The following LNPEP variants were observed in gnomAD, a reference collection of about 807,000 sequenced individuals.
LNPEP encodes leucyl and cystinyl aminopeptidase, also known as leucyl-cystinyl aminopeptidase.
Under a neutral mutation model 120.6 loss-of-function variants are expected in LNPEP, and 64 were observed. The ratio of observed to expected loss-of-function variants is 0.53; its 90% CI spans 0.43 to 0.65. LNPEP has a LOEUF of 0.65. Among genes scored for constraint, LNPEP ranks in the 30% least tolerant of loss-of-function variants. LNPEP has a pLI of 0.00. For synonymous variants in LNPEP, 435 were observed against 425.4 expected (o/e 1.02, Z -0.28); for missense variants, 1,057 against 1,200.0 (o/e 0.88, Z 1.76).
chr5:97,024,758 T>C, intron 15 of LNPEP, 76 bp downstream of exon 15: 5 of 1,343,850 alleles, frequency 3.7e-6, no homozygotes, highest in Non-Finnish European at 5.1e-6. Context: ...AGGAGCTCAT[T>C]TTTGAGGGGA....
chr5:96,955,434 G>A lies in LNPEP; in HGVS notation c.19+19260G>A, dbSNP rs559248028. 3.9e-5 allele frequency among the ~76,000 whole-genome samples: 6 copies of A among 152,226 alleles called. No individual in the cohort carries two copies. The East Asian group carries it at 1.2e-3, about 30-fold the overall frequency. On this transcript the variant is annotated intron_variant, in intron 1 of 17. Coordinates refer to ENST00000231368, the MANE Select transcript of LNPEP (RefSeq NM_005575.3). ...GTTCGAGACCAGCCTGGCCAACAAG[G>A]CGATAGCCCATCTCTACTAAAAATA... is the stretch of plus-strand genomic sequence containing the variant.
At chr5:97,020,173 C>T (rs962685540) in intron 13 of LNPEP, among the ~76,000 whole-genome samples, 1 of 152,106 alleles carries the variant, frequency 6.6e-6, no homozygotes, top group Non-Finnish European at 1.5e-5. Context: ...CACAGTAAGT[C>T]ATTGCTAGGA....
At chr5:97,002,664 G>T (rs747199115) in intron 8 of LNPEP, among the ~76,000 whole-genome samples, 25 of 152,158 alleles carry the variant, frequency 1.6e-4, no homozygotes, top group Non-Finnish European at 3.1e-4. Flanking sequence ...TTTCCTCTCA[G>T]CTTACTGCAT....
At chr5:96,994,601 C>T (rs536263554) in intron 6 of LNPEP, among the ~76,000 whole-genome samples, 1 of 151,984 alleles carries the variant, frequency 6.6e-6, no homozygotes, top group African/African-American at 2.4e-5. Context: ...GTACATAACA[C>T]CCCCATTCTT....
In LNPEP at chr5:97,024,517, A is replaced by C. The variant is rs1029957057; in HGVS notation, c.2562-4A>C. On this transcript the variant is annotated splice_polypyrimidine_tract_variant and splice_region_variant and intron_variant, in intron 14 of 17. Coordinates refer to ENST00000231368, the MANE Select transcript of LNPEP (RefSeq NM_005575.3). ...ATTCTCATGTTTGACCACCTCTCTT[A>C]CAGCCTACCTACTGATGTCATGACA... The C allele has an allele frequency of 8.7e-6, 14 of 1,612,786 alleles. No individual in the cohort carries two copies. Among genetic ancestry groups the C allele is most frequent in the Admixed American group, 6.7e-5 (4 of 59,856 alleles).
rs907395741 is a variant in LNPEP at position 97,036,255 on chromosome 5, T to C, written c.*7722T>C. ...AAAACTAAATCCAAAAGGAATTTTC[T>C]ATCTTTCATCCCCCACATGTGGCAA... On this transcript the variant is annotated 3_prime_UTR_variant, in exon 18 of 18. Transcript: ENST00000231368. 3 of 151,736 alleles carry C rather than the reference T, an allele frequency of 2.0e-5. No individual in the cohort carries two copies. Among genetic ancestry groups the C allele is most frequent in the African/African-American group, 7.2e-5 (3 of 41,436 alleles). The allele number at this position is 151,736 out of a possible 1,614,324, so 9.4% of individuals were successfully genotyped here.
At chr5:96,958,579 C>A in intron 1 of LNPEP, 1 of 788,592 alleles carries the variant, frequency 1.3e-6, no homozygotes, top group Non-Finnish European at 1.5e-6. Flanking sequence ...CAATATAGTA[C>A]AAATTTATCT....
chr5:96,973,669 A>C (rs779413491), intron 1 of LNPEP, among the ~76,000 whole-genome samples: 3 of 152,134 alleles, frequency 2.0e-5, no homozygotes, highest in Non-Finnish European at 4.4e-5. Context: ...CATTCTGTAG[A>C]AGGGACTTGA....
chr5:96,970,014 A>AT (rs1393656498), intron 1 of LNPEP, among the ~76,000 whole-genome samples: 3 of 151,634 alleles, frequency 2.0e-5, no homozygotes, highest in African/African-American at 4.8e-5. Flanking sequence ...TTACTAATTG[A>AT]TTTTTTAATT....
rs1791293352 is a variant in LNPEP at position 97,024,528 on chromosome 5, A to G, written c.2569A>G (p.Thr857Ala). Residue 857 changes from threonine (T) to alanine (A), a missense_variant, in exon 15 of 18, where the codon ACT becomes GCT. Transcript: ENST00000231368. ...TGACCACCTCTCTTACAGCCTACCTACTGATGTCATGACAACTGTGTTCAA... is the reference window on the plus strand; with the variant it reads ...TGACCACCTCTCTTACAGCCTACCTGCTGATGTCATGACAACTGTGTTCAA... ...MASNGTQSLP[T>A]DVMTTVFKVG... 2 of 1,613,620 alleles carry G rather than the reference A, an allele frequency of 1.2e-6. No individual in the cohort carries two copies. Among genetic ancestry groups the G allele is most frequent in the African/African-American group, 1.3e-5 (1 of 74,902 alleles).
intron 11 of LNPEP, chr5:97,010,806 A>G (rs1469008391): frequency 1.4e-5 from 14 of 985,270 alleles, no homozygotes; most frequent in Non-Finnish European, 1.7e-5. Flanking sequence ...TCCACGTTTG[A>G]GCTGTAGGAT....
intron 1 of LNPEP, among the ~76,000 whole-genome samples, chr5:96,957,091 G>A (rs1454847736): frequency 7.2e-5 from 11 of 152,044 alleles, no homozygotes; most frequent in Non-Finnish European, 1.6e-4. Flanking sequence ...CCGCTTTAAA[G>A]TATTCAATAA....
At chr5:96,956,202 T>C (rs181379470) in intron 1 of LNPEP, among the ~76,000 whole-genome samples, 99 of 152,392 alleles carry the variant, frequency 6.5e-4, no homozygotes, top group African/African-American at 2.3e-3. Flanking sequence ...TACAAAGATA[T>C]ATACATAAAT....
At chr5:96,987,429 C>T (rs960813259) in intron 4 of LNPEP, among the ~76,000 whole-genome samples, 1 of 152,070 alleles carries the variant, frequency 6.6e-6, no homozygotes, top group African/African-American at 2.4e-5. Flanking sequence ...TTTCTGTTTT[C>T]GTATTTTTGA....
intron 1 of LNPEP, among the ~76,000 whole-genome samples, chr5:96,942,674 C>T (rs1489300801): frequency 1.6e-5 from 2 of 125,468 alleles, no homozygotes; most frequent in Admixed American, 8.9e-5. Context: ...AAAAAAAATA[C>T]GAGAACACTT....
chr5:96,995,503 C>T (rs746899823), intron 6 of LNPEP, among the ~76,000 whole-genome samples: 1 of 150,762 alleles, frequency 6.6e-6, no homozygotes, highest in Non-Finnish European at 1.5e-5. Context: ...CTCTTTCTGA[C>T]TTCATTTGTT....
At chr5:96,954,943 C>T (rs7705093) in intron 1 of LNPEP, among the ~76,000 whole-genome samples, 60,350 of 148,430 alleles carry the variant, frequency 0.41, 12,354 homozygotes, top group Non-Finnish European at 0.44. Context: ...CCACCACGCC[C>T]GGCTAATTTT....
chr5:96,978,296 T>C (rs1790048116), intron 1 of LNPEP, among the ~76,000 whole-genome samples: 1 of 152,126 alleles, frequency 6.6e-6, no homozygotes, highest in African/African-American at 2.4e-5. Context: ...TTGTAGTTTG[T>C]AAAAGCTCCC....
intron 1 of LNPEP, among the ~76,000 whole-genome samples, chr5:96,974,990 A>T (rs1024176543): frequency 6.6e-6 from 1 of 152,112 alleles, no homozygotes; most frequent in African/African-American, 2.4e-5. Context: ...TAATGACCAT[A>T]TCTGCACAGG....
Sources: allele counts gnomAD v4.1 joint callset (sites outside exome capture counted in the v4.1 genomes callset), GRCh38; gene constraint gnomAD v4.1.1; transcripts MANE v1.5; gene names NCBI Gene and HGNC (gene_info 2026-07-23, HGNC 2026-07-21).